The following RTN4RL1 variants were observed in gnomAD, a reference collection of about 807,000 sequenced individuals.
The protein encoded by RTN4RL1 is reticulon-4 receptor-like 1.
In RTN4RL1, 7 loss-of-function variants were observed where a neutral mutation model predicts 25.6. That is an observed-to-expected ratio of 0.27 (90% CI 0.16 to 0.51). The LOEUF (loss-of-function observed/expected upper bound fraction) is 0.51, where lower values mean the gene tolerates loss of function less well. Ranked by LOEUF, RTN4RL1 falls within the 20% of genes least tolerant of loss-of-function variation. The pLI is 0.97. For missense variants in RTN4RL1, 500 were observed against 615.6 expected (o/e 0.81, Z 1.99); for synonymous variants, 297 against 288.2 (o/e 1.03, Z -0.31).
chr17:1,945,891 G>A (rs888303149), intron 1 of RTN4RL1, among the ~76,000 whole-genome samples: 7 of 152,254 alleles, frequency 4.6e-5, no homozygotes, highest in African/African-American at 1.7e-4. Context: ...GGGGGACTGA[G>A]AGATGCTGCT....
chr17:1,937,880 C>T, intron 1 of RTN4RL1, 72 bp from the exon 2 acceptor site: 2 of 1,209,406 alleles, frequency 1.7e-6, no homozygotes, highest in Non-Finnish European at 2.3e-6. Context: ...CCTCCGGCGC[C>T]CGCCGAGGAC....
chr17:1,984,771 A>T (rs2066880956), intron 1 of RTN4RL1, among the ~76,000 whole-genome samples: 1 of 152,192 alleles, frequency 6.6e-6, no homozygotes, highest in Non-Finnish European at 1.5e-5. Flanking sequence ...GCTCGAAGCC[A>T]GCCTGGCCAA....
chr17:1,993,186 T>A (rs1184488161), intron 1 of RTN4RL1, among the ~76,000 whole-genome samples: 3 of 152,026 alleles, frequency 2.0e-5, no homozygotes, highest in African/African-American at 7.3e-5. Context: ...AGGCGGAGGT[T>A]GCAGAGAGCT....
intron 1 of RTN4RL1, among the ~76,000 whole-genome samples, chr17:1,968,555 C>T (rs996428721): frequency 1.4e-4 from 22 of 152,300 alleles, no homozygotes; most frequent in Admixed American, 6.5e-4. Context: ...GCCCTGGGCT[C>T]GAAGCCAACA....
intron 1 of RTN4RL1, among the ~76,000 whole-genome samples, chr17:2,008,133 G>A (rs2067014084): frequency 6.6e-6 from 1 of 151,626 alleles, no homozygotes; most frequent in Non-Finnish European, 1.5e-5. Context: ...TCCGGCTGTG[G>A]TGGTGCATGC....
At chr17:1,941,422 C>T (rs1458653013) in intron 1 of RTN4RL1, among the ~76,000 whole-genome samples, 3 of 152,180 alleles carry the variant, frequency 2.0e-5, no homozygotes, top group African/African-American at 7.2e-5. Flanking sequence ...CCTCCTGCCC[C>T]TCCTCTGAGA....
intron 1 of RTN4RL1, among the ~76,000 whole-genome samples, chr17:1,971,522 A>G (rs1307497338): frequency 6.6e-6 from 1 of 152,312 alleles, no homozygotes; most frequent in African/African-American, 2.4e-5. Context: ...CTGAGCAGGA[A>G]GGTCTAACTG....
chr17:1,986,459 A>G (rs1276867056), intron 1 of RTN4RL1, among the ~76,000 whole-genome samples: 1 of 152,130 alleles, frequency 6.6e-6, no homozygotes, highest in African/African-American at 2.4e-5. Context: ...TAATTAAGTT[A>G]AAGATCTTGA....
At chr17:1,950,208 T>C (rs1167653600) in intron 1 of RTN4RL1, among the ~76,000 whole-genome samples, 13 of 150,920 alleles carry the variant, frequency 8.6e-5, no homozygotes, top group Admixed American at 1.3e-4. Flanking sequence ...CTTGGGGGCC[T>C]GAAGAGGGCA....
chr17:1,962,703 A>G (rs1251158337), intron 1 of RTN4RL1, among the ~76,000 whole-genome samples: 1 of 151,724 alleles, frequency 6.6e-6, no homozygotes, highest in Non-Finnish European at 1.5e-5. Context: ...CGTCTCTACT[A>G]AAAATACAAA....
intron 1 of RTN4RL1, among the ~76,000 whole-genome samples, chr17:1,959,268 C>T (rs146306405): frequency 0.01 from 1,525 of 152,368 alleles, 5 homozygotes; most frequent in Non-Finnish European, 0.016. Flanking sequence ...CTCAGACTCA[C>T]CAGAGAGGCA....
chr17:1,958,756 C>T (rs1915840300), intron 1 of RTN4RL1, among the ~76,000 whole-genome samples: 1 of 152,238 alleles, frequency 6.6e-6, no homozygotes, highest in Admixed American at 6.5e-5. Flanking sequence ...CTTAGCAGGG[C>T]TTGCTGGTGA....
At chr17:1,950,785 G>T (rs1347537990) in intron 1 of RTN4RL1, among the ~76,000 whole-genome samples, 1 of 134,380 alleles carries the variant, frequency 7.4e-6, no homozygotes, top group African/African-American at 2.8e-5. Flanking sequence ...AGCAGGGGTT[G>T]CAATGAGCTG....
At chr17:1,941,915 G>C (rs1915446461) in intron 1 of RTN4RL1, among the ~76,000 whole-genome samples, 1 of 152,160 alleles carries the variant, frequency 6.6e-6, no homozygotes, top group South Asian at 2.1e-4. Context: ...CTCCTCTCAT[G>C]CCCCTCCATG....
chr17:1,989,180 G>A (rs1393296591), intron 1 of RTN4RL1, among the ~76,000 whole-genome samples: 1 of 152,098 alleles, frequency 6.6e-6, no homozygotes, highest in African/African-American at 2.4e-5. Context: ...CGGGGGAAAC[G>A]GAGAGGAGGG....
chr17:2,021,292 G>A (rs1461309052), intron 1 of RTN4RL1, among the ~76,000 whole-genome samples: 1 of 152,114 alleles, frequency 6.6e-6, no homozygotes, highest in African/African-American at 2.4e-5. Flanking sequence ...CTCCTCTGGG[G>A]CTTCATACCA....
chr17:2,017,826 T>C (rs1412754274), intron 1 of RTN4RL1: 1 of 152,298 alleles, frequency 6.6e-6, no homozygotes, highest in East Asian at 1.9e-4. Context: ...GCTGACTGGT[T>C]AGACAGTGAT....
intron 1 of RTN4RL1, among the ~76,000 whole-genome samples, chr17:1,980,250 T>C (rs1408695539): frequency 1.8e-4 from 27 of 146,720 alleles, no homozygotes; most frequent in African/African-American, 6.6e-4. Context: ...TTTTTTTTTT[T>C]AGTAGAGACA....
rs528367448 is a variant in RTN4RL1 at position 1,979,180 on chromosome 17, G to A, written c.14-41372C>T. On this transcript the variant is annotated intron_variant, in intron 1 of 1. Transcript: ENST00000331238. ...CCCAGTTATTCAGGAGGCTGAGGCA[G>A]GAGAATTGCTTGAACCTGGAAAGCA... Among the ~76,000 whole-genome samples the A allele has an allele frequency of 2.0e-5, 3 of 152,356 alleles. No homozygotes were observed. In the East Asian group the frequency reaches 5.8e-4, roughly 29 times the overall value.
Sources: allele counts gnomAD v4.1 joint callset (sites outside exome capture counted in the v4.1 genomes callset), GRCh38; gene constraint gnomAD v4.1.1; transcripts MANE v1.5; gene names NCBI Gene and HGNC (gene_info 2026-07-23, HGNC 2026-07-21).